Variants in DOCK3 observed in about 807,000 individuals in gnomAD.
DOCK3 encodes the protein dedicator of cytokinesis protein 3.
Under a neutral mutation model 265.6 loss-of-function variants are expected in DOCK3, and 60 were observed. That is an observed-to-expected ratio of 0.23 (90% CI 0.18 to 0.28). The LOEUF (loss-of-function observed/expected upper bound fraction) is 0.28, where lower values mean the gene tolerates loss of function less well. DOCK3 is among the 10% of genes least tolerant of loss of function. The pLI, the probability that DOCK3 is intolerant of heterozygous loss-of-function variation, is 1.00. For missense variants in DOCK3, 1,981 were observed against 2,594.3 expected (o/e 0.76, Z 5.14); for synonymous variants, 881 against 938.0 (o/e 0.94, Z 1.11).
At chr3:50,782,038 A>G (rs1194886820) in intron 2 of DOCK3, among the ~76,000 whole-genome samples, 1 of 152,154 alleles carries the variant, frequency 6.6e-6, no homozygotes, top group Non-Finnish European at 1.5e-5. Flanking sequence ...ATGGGCATTT[A>G]GATTGATTCC....
At chr3:51,294,404 C>T (rs142149747) in intron 27 of DOCK3, among the ~76,000 whole-genome samples, 103 of 152,140 alleles carry the variant, frequency 6.8e-4, no homozygotes, top group African/African-American at 2.2e-3. Context: ...CGAGGCTGGG[C>T]GCAGTAGCTC....
intron 1 of DOCK3, among the ~76,000 whole-genome samples, chr3:50,731,895 C>G (rs1409822837): frequency 6.6e-6 from 1 of 152,098 alleles, no homozygotes; most frequent in African/African-American, 2.4e-5. Context: ...AAGTAGCAAA[C>G]ATAAATATTG....
At chr3:50,707,959 C>T (rs1037238746) in intron 1 of DOCK3, among the ~76,000 whole-genome samples, 2 of 152,094 alleles carry the variant, frequency 1.3e-5, no homozygotes, top group African/African-American at 2.4e-5. Flanking sequence ...ATGAGGTGCA[C>T]ATAGGTGTTT....
intron 5 of DOCK3, among the ~76,000 whole-genome samples, chr3:51,002,543 A>T (rs1277618635): frequency 6.6e-6 from 1 of 152,170 alleles, no homozygotes; most frequent in African/African-American, 2.4e-5. Flanking sequence ...TCCTGTATTT[A>T]TTCTATAAGT....
chr3:51,083,878 G>A (rs1484094891), intron 7 of DOCK3, among the ~76,000 whole-genome samples: 1 of 152,112 alleles, frequency 6.6e-6, no homozygotes. Flanking sequence ...CAGCTACTTG[G>A]GAGACTGAGG....
At chr3:50,914,436 C>G (rs539643758) in intron 4 of DOCK3, among the ~76,000 whole-genome samples, 1 of 152,062 alleles carries the variant, frequency 6.6e-6, no homozygotes, top group East Asian at 1.9e-4. Flanking sequence ...AAATTTTATT[C>G]TTCACTTTTT....
chr3:51,008,208 C>T (rs1249036873), intron 5 of DOCK3, among the ~76,000 whole-genome samples: 1 of 152,078 alleles, frequency 6.6e-6, no homozygotes, highest in Non-Finnish European at 1.5e-5. Flanking sequence ...TATAAATTAC[C>T]TTGGGCAGTA....
intron 24 of DOCK3, 120 bp from the exon 25 acceptor site, chr3:51,274,959 T>C: frequency 8.1e-7 from 1 of 1,231,136 alleles, no homozygotes; most frequent in Non-Finnish European, 1.2e-6. Flanking sequence ...TTACCTTCAC[T>C]TTTGCTCTAG....
chr3:51,124,030 T>C (rs2084154597), intron 9 of DOCK3, among the ~76,000 whole-genome samples: 1 of 151,888 alleles, frequency 6.6e-6, no homozygotes, highest in South Asian at 2.1e-4. Flanking sequence ...ACTGCTAGGT[T>C]TTTAGATGTC....
intron 2 of DOCK3, among the ~76,000 whole-genome samples, chr3:50,781,257 T>G (rs1013102183): frequency 7.0e-6 from 1 of 142,620 alleles, no homozygotes; most frequent in Non-Finnish European, 1.5e-5. Context: ...TGCTAGATCA[T>G]ATAGTAGTTC....
intron 1 of DOCK3, among the ~76,000 whole-genome samples, chr3:50,699,565 G>A (rs2035897812): frequency 1.3e-5 from 2 of 150,826 alleles, no homozygotes; most frequent in African/African-American, 4.9e-5. Flanking sequence ...CAGTTCTCTT[G>A]CCTCAGCCTC....
At chr3:50,754,041 A>C (rs1461694033) in intron 1 of DOCK3, among the ~76,000 whole-genome samples, 1 of 151,092 alleles carries the variant, frequency 6.6e-6, no homozygotes, top group Non-Finnish European at 1.5e-5. Flanking sequence ...CTGTAGTCCC[A>C]GCTACTTGGG....
chr3:51,277,514 G>C (rs2080880141), intron 25 of DOCK3, 94 bp from the exon 26 acceptor site: 2 of 1,429,744 alleles, frequency 1.4e-6, no homozygotes, highest in Admixed American at 2.9e-5. Context: ...GAATCCAGAA[G>C]ACTACTGCTG....
At chr3:51,329,537 A>G (rs1364263564) in intron 32 of DOCK3, among the ~76,000 whole-genome samples, 2 of 152,226 alleles carry the variant, frequency 1.3e-5, no homozygotes, top group Admixed American at 6.5e-5. Context: ...GTATCCAATA[A>G]CAAATGCAGG....
intron 24 of DOCK3, among the ~76,000 whole-genome samples, 187 bp from the exon 25 acceptor site, chr3:51,274,892 T>G (rs1278106657): frequency 6.6e-6 from 1 of 152,192 alleles, no homozygotes; most frequent in Non-Finnish European, 1.5e-5. Flanking sequence ...AATAATGTCA[T>G]GTGATGGCTT....
chr3:50,768,885 G>A (rs1014253433), intron 1 of DOCK3, among the ~76,000 whole-genome samples: 3 of 152,082 alleles, frequency 2.0e-5, no homozygotes, highest in Admixed American at 1.3e-4. Flanking sequence ...GTGTATGAGA[G>A]TTTCCTTTCT....
chr3:51,316,133 G>C (rs1341797614), intron 32 of DOCK3, among the ~76,000 whole-genome samples: 1 of 152,180 alleles, frequency 6.6e-6, no homozygotes. Context: ...CAGTCTTGCT[G>C]TCTATTTGTA....
intron 4 of DOCK3, among the ~76,000 whole-genome samples, chr3:50,907,178 A>C (rs1029937639): frequency 1.3e-5 from 2 of 151,736 alleles, no homozygotes; most frequent in Non-Finnish European, 2.9e-5. Context: ...ACTTCCAACT[A>C]TGTTGATTTT....
intron 27 of DOCK3, among the ~76,000 whole-genome samples, chr3:51,282,461 C>G (rs1386449095): frequency 6.6e-6 from 1 of 151,924 alleles, no homozygotes; most frequent in Non-Finnish European, 1.5e-5. Context: ...CCAGCCTGAC[C>G]TGACCAACAT....
Sources: allele counts gnomAD v4.1 joint callset (sites outside exome capture counted in the v4.1 genomes callset), GRCh38; gene constraint gnomAD v4.1.1; transcripts MANE v1.5; gene names NCBI Gene and HGNC (gene_info 2026-07-23, HGNC 2026-07-21).